The following ZNF44 variants were observed in gnomAD, a reference collection of about 807,000 sequenced individuals.
The protein encoded by ZNF44 is gonadotropin inducible transcription repressor-2.
Under a neutral mutation model 11.7 loss-of-function variants are expected in ZNF44, and 9 were observed. That is an observed-to-expected ratio of 0.77 (90% CI 0.46 to 1.35). The LOEUF is 1.35. Among genes scored for constraint, ZNF44 ranks in the 40% most tolerant of loss-of-function variants. The probability of loss-of-function intolerance (pLI) is 0.00; values close to 1 mark genes in which losing one functional copy is unlikely to be tolerated. For synonymous variants in ZNF44, 224 were observed against 242.7 expected (o/e 0.92, Z 0.72); for missense variants, 696 against 743.1 (o/e 0.94, Z 0.74).
downstream of ZNF44, among the ~76,000 whole-genome samples, chr19:12,225,903 A>G (rs1330428452): frequency 1.3e-5 from 2 of 152,160 alleles, no homozygotes; most frequent in Non-Finnish European, 2.9e-5. Flanking sequence ...TGAAACATCA[A>G]GTTTTCAGTT....
chr19:12,284,549 C>T, intron 1 of ZNF44: 1 of 710,060 alleles, frequency 1.4e-6, no homozygotes. Flanking sequence ...TGGAGGAGAT[C>T]TATCTCTTCT....
chr19:12,252,846 A>G (rs913686795), intron 5 of ZNF44, among the ~76,000 whole-genome samples: 2 of 151,822 alleles, frequency 1.3e-5, no homozygotes, highest in Admixed American at 1.3e-4. Context: ...ATCTACAAGT[A>G]AACTACCTAA....
chr19:12,288,813 C>T (rs1401760156), intron 1 of ZNF44, among the ~76,000 whole-genome samples: 1 of 95,740 alleles, frequency 1.0e-5, no homozygotes, highest in Admixed American at 9.3e-5. Flanking sequence ...TATGAAATCA[C>T]CTGACCCCCA....
chr19:12,247,422 CCA>C (rs765950094), downstream of ZNF44: 1 of 1,320,544 alleles, frequency 7.6e-7, no homozygotes, highest in East Asian at 5.2e-5. Context: ...GAAGGGTTTT[CCA>C]CATTCTTTAC....
At chr19:12,229,275 C>G (rs1916056452) in intron 3 of ZNF44, among the ~76,000 whole-genome samples, 1 of 152,082 alleles carries the variant, frequency 6.6e-6, no homozygotes, top group African/African-American at 2.4e-5. Context: ...GCTAGGAAAA[C>G]AGTTTCCAGG....
chr19:12,263,034 C>G lies in ZNF44; in HGVS notation c.1912+9453G>C, dbSNP rs187513209. Among the ~76,000 whole-genome samples, 7 of 152,216 alleles carry G rather than the reference C, an allele frequency of 4.6e-5. No individual in the cohort carries two copies. The East Asian group carries it at 1.4e-3, about 29-fold the overall frequency. On this transcript the variant is annotated intron_variant and NMD_transcript_variant, in intron 5 of 7. Coordinates refer to the ZNF44 transcript ENST00000393337. ...GTGTAACACCTAGAGTAGTTCAGTC[C>G]CAGATTCAGTTTAAGGTTCTGACCC...
At chr19:12,243,286 C>A (rs117397178), downstream of ZNF44, among the ~76,000 whole-genome samples, 270 of 152,336 alleles carry the variant, frequency 1.8e-3, 4 homozygotes, top group East Asian at 0.05. Context: ...CATTAAATCT[C>A]CAGAACGTGT....
At chr19:12,238,384 T>C (rs1916476406), upstream of ZNF44, among the ~76,000 whole-genome samples, 1 of 151,818 alleles carries the variant, frequency 6.6e-6, no homozygotes, top group East Asian at 1.9e-4. Context: ...CCTAGCACTT[T>C]GGGAGGCCAA....
At chr19:12,242,804 A>T (rs2145685106), downstream of ZNF44, 1 of 150,372 alleles carries the variant, frequency 6.7e-6, no homozygotes, top group East Asian at 2.0e-4. Context: ...GAGCCAAGAG[A>T]ACACTACTGA....
At chr19:12,274,202 T>C in intron 3 of ZNF44, 139 bp from the exon 4 acceptor site, 1 of 676,682 alleles carries the variant, frequency 1.5e-6, no homozygotes, top group Non-Finnish European at 2.4e-6. Flanking sequence ...GACTGAATGT[T>C]GTGCAAGATA....
At chr19:12,260,582 C>T in intron 5 of ZNF44, 1 of 674,646 alleles carries the variant, frequency 1.5e-6, no homozygotes. Context: ...GCTTTCTCAC[C>T]ACCAGCCCCT....
At chr19:12,247,419 T>G, downstream of ZNF44, 1 of 1,319,636 alleles carries the variant, frequency 7.6e-7, no homozygotes, top group Non-Finnish European at 1.0e-6. Flanking sequence ...ACTGAAGGGT[T>G]TTCCACATTC....
At chr19:12,267,260 T>C (rs1917772102), downstream of ZNF44, among the ~76,000 whole-genome samples, 1 of 152,154 alleles carries the variant, frequency 6.6e-6, no homozygotes, top group African/African-American at 2.4e-5. Flanking sequence ...GTCAGGCTGG[T>C]CTCGAACTCC....
chr19:12,271,149 G>A (rs1489271935), downstream of ZNF44, among the ~76,000 whole-genome samples: 1 of 152,150 alleles, frequency 6.6e-6, no homozygotes, highest in Non-Finnish European at 1.5e-5. Flanking sequence ...AGATCTTGGG[G>A]CATCTATAGC....
Position 12,272,816 on chromosome 19 carries a change from T to G in ZNF44, c.1439A>C (p.Glu480Ala), listed in dbSNP as rs1176344334. 6.2e-7 allele frequency: 1 copy of G among 1,613,960 alleles called. No homozygotes were observed. The highest frequency in any genetic ancestry group is 8.5e-7 in the Non-Finnish European group (1 of 1,179,874). ...HSEEEPYECK[E>A]CGKAFSSFKY... ...AAAAGAACTAAATGCTTTCCCACAC[T>G]CCTTACATTCATAAGGCTCCTCTTC... Residue 480 changes from glutamate (E) to alanine (A), a missense_variant, in exon 4 of 4, where the codon GAG (glutamate) becomes GCG (alanine). Coordinates refer to ENST00000355684, the MANE Select transcript of ZNF44 (RefSeq NM_016264.4).
At chr19:12,286,546 T>C (rs182778159) in intron 1 of ZNF44, among the ~76,000 whole-genome samples, 4 of 150,944 alleles carry the variant, frequency 2.6e-5, no homozygotes, top group East Asian at 3.9e-4. Context: ...AGGCAGAAAA[T>C]TGCTTGAACC....
chr19:12,274,872 T>G, intron 3 of ZNF44, 101 bp downstream of exon 3: 1 of 787,156 alleles, frequency 1.3e-6, no homozygotes, highest in South Asian at 2.1e-5. Context: ...ATAAATAAAT[T>G]TAAGCTGGGC....
intron 2 of ZNF44, among the ~76,000 whole-genome samples, chr19:12,233,196 A>G (rs1384848515): frequency 6.6e-6 from 1 of 152,076 alleles, no homozygotes; most frequent in Non-Finnish European, 1.5e-5. Context: ...CTCCGGCCAG[A>G]AAGATGTCTG....
chr19:12,278,039 C>T (rs1350037903), intron 1 of ZNF44, among the ~76,000 whole-genome samples: 1 of 152,164 alleles, frequency 6.6e-6, no homozygotes, highest in African/African-American at 2.4e-5. Context: ...GGAACAGGCC[C>T]CCAAATCTAG....
Sources: gnomAD v4.1 joint callset for allele counts (sites outside exome capture counted in the v4.1 genomes callset) on GRCh38, gnomAD v4.1.1 for gene constraint, MANE v1.5 for transcripts, NCBI Gene and HGNC (gene_info 2026-07-23, HGNC 2026-07-21) for gene names.